The following KCNJ6 variants were observed in gnomAD, a reference collection of about 807,000 sequenced individuals.
The protein encoded by KCNJ6 is G protein-activated inward rectifier potassium channel 2.
In KCNJ6, 9 loss-of-function variants were observed where a neutral mutation model predicts 34.2. The ratio of observed to expected loss-of-function variants is 0.26; its 90% CI spans 0.16 to 0.46. KCNJ6 has a LOEUF of 0.46. Among genes scored for constraint, KCNJ6 ranks in the 20% least tolerant of loss-of-function variants. KCNJ6 has a pLI of 1.00. For missense variants in KCNJ6, 236 were observed against 531.3 expected (o/e 0.44, Z 5.46); for synonymous variants, 196 against 207.1 (o/e 0.95, Z 0.46).
intron 3 of KCNJ6, among the ~76,000 whole-genome samples, chr21:37,648,625 G>A (rs1385785146): frequency 6.6e-6 from 1 of 152,132 alleles, no homozygotes; most frequent in East Asian, 1.9e-4. Flanking sequence ...ATAGGTGCAA[G>A]TTTAAAATGA....
chr21:37,798,084 C>G (rs965253640), intron 2 of KCNJ6, among the ~76,000 whole-genome samples: 1 of 152,220 alleles, frequency 6.6e-6, no homozygotes, highest in East Asian at 1.9e-4. Flanking sequence ...TAAGGGCTCC[C>G]TGTTTTATCA....
chr21:37,854,715 C>T (rs2055555765), intron 1 of KCNJ6, among the ~76,000 whole-genome samples: 1 of 149,014 alleles, frequency 6.7e-6, no homozygotes, highest in Admixed American at 6.8e-5. Flanking sequence ...TTGATCATTC[C>T]ACATTGTATG....
At chr21:37,665,027 A>G (rs534990031) in intron 3 of KCNJ6, among the ~76,000 whole-genome samples, 4 of 151,874 alleles carry the variant, frequency 2.6e-5, no homozygotes, top group Non-Finnish European at 2.9e-5. Flanking sequence ...CGATCTCCTG[A>G]CCTTGGGATC....
chr21:37,846,201 T>C (rs1286018148), intron 1 of KCNJ6, among the ~76,000 whole-genome samples: 5 of 152,146 alleles, frequency 3.3e-5, no homozygotes, highest in Admixed American at 1.3e-4. Flanking sequence ...TAATTTATAC[T>C]CCCACATCTG....
chr21:37,635,363 G>A (rs547832857), intron 3 of KCNJ6, among the ~76,000 whole-genome samples: 191 of 151,838 alleles, frequency 1.3e-3, no homozygotes, highest in African/African-American at 4.3e-3. Flanking sequence ...GAGTATAGGC[G>A]CTTGCCAGCA....
At chr21:37,743,509 TC>T (rs1271144559) in intron 2 of KCNJ6, among the ~76,000 whole-genome samples, 2 of 151,972 alleles carry the variant, frequency 1.3e-5, no homozygotes, top group African/African-American at 4.8e-5. Context: ...CCACGAGGGC[TC>T]CCCCCTCACG....
In KCNJ6 at chr21:37,675,844, G is replaced by C. The variant is rs2054562310; in HGVS notation, c.946+38367C>G. ...TACCTTAACGGCAAGCCAGACCCCT[G>C]ACCCCAACCCATGTCAATAGCGGGG... On this transcript the variant is annotated intron_variant, in intron 3 of 3. Transcript: ENST00000609713. The surrounding 1 kb of genome is among the most constrained non-coding windows in gnomAD (Gnocchi z 4.2). Among the ~76,000 whole-genome samples, 2 of 146,682 alleles carry C rather than the reference G, an allele frequency of 1.4e-5. No individual in the cohort carries two copies. Among genetic ancestry groups the C allele is most frequent in the African/African-American group, 4.9e-5 (2 of 40,548 alleles).
intron 2 of KCNJ6, among the ~76,000 whole-genome samples, chr21:37,741,369 T>C (rs1396115057): frequency 6.6e-6 from 1 of 152,112 alleles, no homozygotes; most frequent in Non-Finnish European, 1.5e-5. Context: ...TCATGAGAGG[T>C]TCTGGTGGGA....
chr21:37,704,954 T>C (rs1383934686), intron 3 of KCNJ6, among the ~76,000 whole-genome samples: 1 of 152,090 alleles, frequency 6.6e-6, no homozygotes, highest in Admixed American at 6.5e-5. Flanking sequence ...AACCCAGAGC[T>C]TCAACTGGCA....
At chr21:37,733,586 T>C (rs2054897279) in intron 2 of KCNJ6, among the ~76,000 whole-genome samples, 3 of 152,254 alleles carry the variant, frequency 2.0e-5, no homozygotes, top group Non-Finnish European at 4.4e-5. Context: ...ACTTCTACCC[T>C]GAAAAATATT....
At chr21:37,903,271 A>C (rs911290426) in intron 1 of KCNJ6, among the ~76,000 whole-genome samples, 1 of 152,158 alleles carries the variant, frequency 6.6e-6, no homozygotes, top group Non-Finnish European at 1.5e-5. Context: ...ATGGTAGTGA[A>C]TAAGTCTCAT....
chr21:37,864,013 A>G (rs1276033402), intron 1 of KCNJ6, among the ~76,000 whole-genome samples: 1 of 152,048 alleles, frequency 6.6e-6, no homozygotes, highest in African/African-American at 2.4e-5. Flanking sequence ...CGGCATCACA[A>G]GCCGGGTTGT....
chr21:37,708,180 C>T (rs1427246732), intron 3 of KCNJ6, among the ~76,000 whole-genome samples: 3 of 152,102 alleles, frequency 2.0e-5, no homozygotes, highest in African/African-American at 7.2e-5. Flanking sequence ...ATATGGTGAC[C>T]TTGACTCCTT....
intron 2 of KCNJ6, among the ~76,000 whole-genome samples, chr21:37,768,772 C>T (rs2055103224): frequency 6.6e-6 from 1 of 152,236 alleles, no homozygotes; most frequent in South Asian, 2.1e-4. Flanking sequence ...AATTTACATA[C>T]AGCATTTTTC....
chr21:37,904,208 A>T (rs2123648244), intron 1 of KCNJ6, among the ~76,000 whole-genome samples: 1 of 152,316 alleles, frequency 6.6e-6, no homozygotes, highest in Admixed American at 6.5e-5. Context: ...TTATAACCCA[A>T]GGATTTTCAG....
At chr21:37,819,351 G>A (rs183169642) in intron 2 of KCNJ6, among the ~76,000 whole-genome samples, 35 of 152,220 alleles carry the variant, frequency 2.3e-4, no homozygotes, top group Non-Finnish European at 4.7e-4. Context: ...AACTGAGGTC[G>A]TTCTGTTTGC....
intron 3 of KCNJ6, among the ~76,000 whole-genome samples, chr21:37,671,215 C>G (rs1202752878): frequency 6.6e-6 from 1 of 152,172 alleles, no homozygotes; most frequent in Non-Finnish European, 1.5e-5. Context: ...CCACCCCCAA[C>G]CTCCAGGGAA....
At chr21:37,789,603 C>T (rs1370186791) in intron 2 of KCNJ6, among the ~76,000 whole-genome samples, 1 of 152,132 alleles carries the variant, frequency 6.6e-6, no homozygotes, top group African/African-American at 2.4e-5. Context: ...AGATGACACA[C>T]TTGAGGATGA....
chr21:37,713,655 T>A (rs1042770615), intron 3 of KCNJ6, among the ~76,000 whole-genome samples: 5 of 152,208 alleles, frequency 3.3e-5, no homozygotes, highest in Non-Finnish European at 7.3e-5. Context: ...CTAGAGTTAT[T>A]TACTGTGTCT....
Sources: gnomAD v4.1 joint callset for allele counts (sites outside exome capture counted in the v4.1 genomes callset) on GRCh38, gnomAD v4.1.1 for gene constraint, Gnocchi (gnomAD v3.1) non-coding constraint, MANE v1.5 for transcripts, NCBI Gene and HGNC (gene_info 2026-07-23, HGNC 2026-07-21) for gene names.